Variants in FCHSD2 observed in about 807,000 individuals in gnomAD.
The protein encoded by FCHSD2 is F-BAR and double SH3 domains protein 2.
Under a neutral mutation model 108.1 loss-of-function variants are expected in FCHSD2, and 38 were observed. That is an observed-to-expected ratio of 0.35 (90% CI 0.27 to 0.46). The LOEUF is 0.46. Ranked by LOEUF, FCHSD2 falls within the 20% of genes least tolerant of loss-of-function variation. The pLI is 1.00. For missense variants in FCHSD2, 751 were observed against 897.8 expected, an observed-to-expected ratio of 0.84 and a Z score of 2.09; for synonymous variants, 279 against 314.7, an observed-to-expected ratio of 0.89 and a Z score of 1.20.
intron 2 of FCHSD2, among the ~76,000 whole-genome samples, chr11:73,093,382 CA>C (rs1268246956): frequency 1.3e-5 from 2 of 152,102 alleles, no homozygotes; most frequent in African/African-American, 2.4e-5. Flanking sequence ...CACAAAATTG[CA>C]AGTCGTGTCA....
At chr11:72,946,204 T>A (rs1856515980) in intron 8 of FCHSD2, among the ~76,000 whole-genome samples, 1 of 152,122 alleles carries the variant, frequency 6.6e-6, no homozygotes, top group African/African-American at 2.4e-5. Flanking sequence ...CACCATGGAA[T>A]ACTATGCAGC....
chr11:73,096,215 T>C (rs891375097), intron 2 of FCHSD2, among the ~76,000 whole-genome samples: 3 of 151,756 alleles, frequency 2.0e-5, no homozygotes, highest in African/African-American at 7.3e-5. Flanking sequence ...TAACCAAATA[T>C]TTAAAATGAA....
At chr11:72,911,299 G>A (rs1855760102) in intron 9 of FCHSD2, among the ~76,000 whole-genome samples, 1 of 152,228 alleles carries the variant, frequency 6.6e-6, no homozygotes, top group Admixed American at 6.5e-5. Context: ...GTTCACTGCA[G>A]ATAGGTAGAT....
intron 8 of FCHSD2, among the ~76,000 whole-genome samples, chr11:72,962,178 C>A (rs1856829583): frequency 2.0e-5 from 3 of 152,058 alleles, no homozygotes; most frequent in South Asian, 4.1e-4. Flanking sequence ...TTTTAGGGGA[C>A]CTGTGGGGTC....
At chr11:73,106,709 T>A (rs931946467) in intron 2 of FCHSD2, among the ~76,000 whole-genome samples, 2 of 152,182 alleles carry the variant, frequency 1.3e-5, no homozygotes, top group Non-Finnish European at 2.9e-5. Context: ...GCTGTGTTTT[T>A]TCTACGTTCA....
At chr11:73,033,054 T>C (rs1311192515) in intron 3 of FCHSD2, among the ~76,000 whole-genome samples, 1 of 152,000 alleles carries the variant, frequency 6.6e-6, no homozygotes, top group Admixed American at 6.6e-5. Context: ...TTTGGGGGGC[T>C]GAGGCATGCG....
chr11:72,889,003 G>A (rs1306496613), intron 11 of FCHSD2, among the ~76,000 whole-genome samples: 1 of 151,848 alleles, frequency 6.6e-6, no homozygotes, highest in East Asian at 1.9e-4. Context: ...CGCCCAGGTT[G>A]GAGTGCAGTG....
At chr11:73,000,443 AT>A (rs1044800648) in intron 5 of FCHSD2, among the ~76,000 whole-genome samples, 2 of 152,174 alleles carry the variant, frequency 1.3e-5, no homozygotes, top group Non-Finnish European at 2.9e-5. Context: ...TTTCCTATGA[AT>A]TTTTTATTTC....
intron 13 of FCHSD2, among the ~76,000 whole-genome samples, chr11:72,859,410 G>A (rs571622135): frequency 2.7e-4 from 41 of 152,280 alleles, no homozygotes; most frequent in African/African-American, 9.4e-4. Flanking sequence ...TGTTCAAGTA[G>A]CCCTTATTTT....
intron 8 of FCHSD2, among the ~76,000 whole-genome samples, chr11:72,940,269 A>G (rs951377668): frequency 6.6e-6 from 1 of 152,178 alleles, no homozygotes; most frequent in African/African-American, 2.4e-5. Flanking sequence ...TGCTTACCAC[A>G]ATGCACTACA....
intron 8 of FCHSD2, among the ~76,000 whole-genome samples, chr11:72,961,795 T>C (rs1048045221): frequency 1.3e-5 from 2 of 152,256 alleles, no homozygotes; most frequent in East Asian, 1.9e-4. Flanking sequence ...TAGAATTATG[T>C]AACTTAGTTT....
chr11:73,029,157 T>C (rs1400571234), intron 3 of FCHSD2, among the ~76,000 whole-genome samples: 1 of 152,308 alleles, frequency 6.6e-6, no homozygotes, highest in South Asian at 2.1e-4. Context: ...AATAAGGAGA[T>C]AAAAATCAAT....
intron 3 of FCHSD2, among the ~76,000 whole-genome samples, chr11:73,071,553 T>C (rs1205708154): frequency 6.7e-6 from 1 of 150,038 alleles, no homozygotes; most frequent in East Asian, 2.0e-4. Flanking sequence ...AAAAAAAAAT[T>C]AGCTGGGCAT....
chr11:72,840,834 G>A (rs1860902870), intron 19 of FCHSD2, 43 bp downstream of exon 19: 3 of 1,384,168 alleles, frequency 2.2e-6, no homozygotes, highest in African/African-American at 1.4e-5. Context: ...TTTCAATTTG[G>A]AAGAACTATG....
At chr11:73,125,946 T>C (rs1860844512) in intron 2 of FCHSD2, among the ~76,000 whole-genome samples, 1 of 152,134 alleles carries the variant, frequency 6.6e-6, no homozygotes, top group African/African-American at 2.4e-5. Flanking sequence ...GAAACAATGT[T>C]TTAATTGATG....
chr11:72,980,498 G>A (rs1438988418), intron 8 of FCHSD2, among the ~76,000 whole-genome samples: 1 of 151,866 alleles, frequency 6.6e-6, no homozygotes, highest in Admixed American at 6.6e-5. Context: ...CTTTAACGAG[G>A]ATAACAAAGA....
chr11:72,986,482 T>C (rs916288093), intron 6 of FCHSD2, among the ~76,000 whole-genome samples: 1 of 152,234 alleles, frequency 6.6e-6, no homozygotes, highest in African/African-American at 2.4e-5. Flanking sequence ...GTGCTGGGAT[T>C]ACAGGCGTGA....
At chr11:73,126,895 G>A (rs563026577) in intron 2 of FCHSD2, among the ~76,000 whole-genome samples, 14 of 152,210 alleles carry the variant, frequency 9.2e-5, no homozygotes, top group South Asian at 4.1e-4. Context: ...AAAATTTGCC[G>A]AGCATCGTGT....
intron 7 of FCHSD2, among the ~76,000 whole-genome samples, chr11:72,984,691 G>A (rs1857279261): frequency 6.6e-6 from 1 of 152,178 alleles, no homozygotes. Context: ...AGTTTCCGAA[G>A]GAAAAACTCA....
Sources: gnomAD v4.1 joint callset for allele counts (sites outside exome capture counted in the v4.1 genomes callset) on GRCh38, gnomAD v4.1.1 for gene constraint, MANE v1.5 for transcripts, NCBI Gene and HGNC (gene_info 2026-07-23, HGNC 2026-07-21) for gene names.